The following ARHGAP21 variants were observed in gnomAD, a reference collection of about 807,000 sequenced individuals.
The protein encoded by ARHGAP21 is Rho GTPase activating protein 21.
A neutral mutation model predicts 164.6 loss-of-function variants in ARHGAP21; 38 were observed. That is an observed-to-expected ratio of 0.23 (90% confidence interval 0.18 to 0.30). The LOEUF is 0.30. Ranked by LOEUF, ARHGAP21 falls within the 10% of genes least tolerant of loss-of-function variation. ARHGAP21 has a pLI of 1.00. For synonymous variants in ARHGAP21, 766 were observed against 857.9 expected, an observed-to-expected ratio of 0.89 and a Z score of 1.87; for missense variants, 1,822 against 2,370.7, an observed-to-expected ratio of 0.77 and a Z score of 4.81.
chr10:24,712,428 G>T (rs375582028), intron 2 of ARHGAP21, among the ~76,000 whole-genome samples: 1 of 152,102 alleles, frequency 6.6e-6, no homozygotes, highest in African/African-American at 2.4e-5. Context: ...CAAAATCCAC[G>T]CATGCTCAAG....
At chr10:24,613,659 A>C (rs997610801) in intron 9 of ARHGAP21, among the ~76,000 whole-genome samples, 1 of 152,370 alleles carries the variant, frequency 6.6e-6, no homozygotes, top group South Asian at 2.1e-4. Flanking sequence ...GCAAGATGGC[A>C]GTCAGTGCTG....
chr10:24,623,724 G>A (rs1487722579), intron 7 of ARHGAP21, among the ~76,000 whole-genome samples: 4 of 152,188 alleles, frequency 2.6e-5, no homozygotes, highest in Admixed American at 6.5e-5. Context: ...GGTCCCTATG[G>A]TCAATGATGT....
At chr10:24,719,055 G>A (rs1845664747) in intron 2 of ARHGAP21, among the ~76,000 whole-genome samples, 1 of 151,440 alleles carries the variant, frequency 6.6e-6, no homozygotes, top group African/African-American at 2.4e-5. Context: ...GTGATTTTGT[G>A]AGCAAAGTTA....
chr10:24,682,504 T>C (rs1253811055), intron 2 of ARHGAP21, among the ~76,000 whole-genome samples: 1 of 152,188 alleles, frequency 6.6e-6, no homozygotes, highest in Non-Finnish European at 1.5e-5. Flanking sequence ...CCTCACATAG[T>C]AGGATTCTTT....
chr10:24,636,793 G>A (rs1302816240), intron 4 of ARHGAP21, among the ~76,000 whole-genome samples: 9 of 152,220 alleles, frequency 5.9e-5, no homozygotes, highest in Admixed American at 6.5e-5. Flanking sequence ...AGTAGACATC[G>A]GTCCAAAACA....
chr10:24,674,870 TGCAAAC>T (rs1841062669), intron 2 of ARHGAP21, among the ~76,000 whole-genome samples: 1 of 152,114 alleles, frequency 6.6e-6, no homozygotes, highest in Admixed American at 6.6e-5. Flanking sequence ...ATAATGGAAA[TGCAAAC>T]TAAAACCATA....
intron 2 of ARHGAP21, among the ~76,000 whole-genome samples, chr10:24,715,171 T>C (rs1387109753): frequency 6.6e-6 from 1 of 152,208 alleles, no homozygotes; most frequent in Non-Finnish European, 1.5e-5. Flanking sequence ...TGAATACATA[T>C]TACCTATTTT....
In ARHGAP21 at chr10:24,597,755, T is replaced by A. The variant is rs543749069; in HGVS notation, c.3198-172A>T. Among the ~76,000 whole-genome samples, 10 of 152,278 alleles carry A rather than the reference T, an allele frequency of 6.6e-5. No homozygotes were observed. In the South Asian group the frequency reaches 2.1e-3, roughly 32 times the overall value. On this transcript the variant is annotated intron_variant, in intron 15 of 25. Transcript: ENST00000396432. ...GCCCAGAATAAGAATCATCCTTTCATCCCGAGTAGCCACACTGTATACACT... is the reference window on the plus strand; with the variant it reads ...GCCCAGAATAAGAATCATCCTTTCAACCCGAGTAGCCACACTGTATACACT...
In ARHGAP21 at chr10:24,633,474, C is replaced by T. The variant is rs367743200; in HGVS notation, c.368G>A (p.Arg123Gln). Residue 123 changes from arginine (R) to glutamine (Q), a missense_variant, in exon 6 of 26, where the codon CGA becomes CAA. Physicochemically the swap from Arg to Gln is conservative, Grantham distance 43. This residue lies in a region of ARHGAP21 where 1,090 missense variants were observed against 1,378.9 expected (regional missense o/e 0.79). Transcript: ENST00000396432. ...AFEAGLCTGD[R>Q]IIKVNGESVI... ...ACTTTCTCCATTGACTTTTATAATT[C>T]GGTCACCTTCAAAGAGAAGTTAAAA... 2.4e-5 allele frequency: 39 copies of T among 1,608,704 alleles called. No homozygotes were observed. The highest frequency in any genetic ancestry group is 3.3e-5 in the South Asian group (3 of 90,562).
At chr10:24,664,796 T>A (rs905681624) in intron 4 of ARHGAP21, among the ~76,000 whole-genome samples, 3 of 152,108 alleles carry the variant, frequency 2.0e-5, no homozygotes, top group Admixed American at 2.0e-4. Context: ...TTATACCCTT[T>A]AGGCTCACTC....
At chr10:24,586,179 C>A in intron 25 of ARHGAP21, 73 bp from the exon 26 acceptor site, 1 of 1,448,864 alleles carries the variant, frequency 6.9e-7, no homozygotes, top group Middle Eastern at 1.8e-4. Context: ...AAGCTTGTCT[C>A]CCAAATATTT....
At chr10:24,594,015 A>AG (rs1483753298) in intron 21 of ARHGAP21, among the ~76,000 whole-genome samples, 1 of 152,154 alleles carries the variant, frequency 6.6e-6, no homozygotes, top group Non-Finnish European at 1.5e-5. Flanking sequence ...CTTCCAGAAC[A>AG]TGCACAGTCA....
intron 4 of ARHGAP21, among the ~76,000 whole-genome samples, chr10:24,655,736 TCCGC>T (rs1838760262): frequency 2.2e-5 from 3 of 134,206 alleles, no homozygotes; most frequent in African/African-American, 8.6e-5. Flanking sequence ...GAGGAGCGTC[TCCGC>T]CCGGCCGCCA....
At chr10:24,635,532 TTTTTGTTTTG>T (rs533850946) in intron 4 of ARHGAP21, among the ~76,000 whole-genome samples, 47 of 152,150 alleles carry the variant, frequency 3.1e-4, no homozygotes, top group African/African-American at 9.2e-4. Context: ...TGGCTTTTGT[TTTTTGTTTTG>T]TTTTGTTTTG....
At position 24,600,933 on chromosome 10, in the gene ARHGAP21, AG is replaced by A; in HGVS notation, c.2848-4del. 1 of 1,608,618 alleles carries A rather than the reference AG, an allele frequency of 6.2e-7. No homozygotes were observed. The highest frequency in any genetic ancestry group is 8.5e-7 in the Non-Finnish European group (1 of 1,175,792). On this transcript the variant is annotated splice_polypyrimidine_tract_variant and splice_region_variant and intron_variant, in intron 13 of 25. Transcript: ENST00000396432. ...GGCCGAATACTTCCACCAACTCGCT[AG>A]AAAACATGCGACAGTTCTTTAATAG...
intron 2 of ARHGAP21, among the ~76,000 whole-genome samples, chr10:24,674,263 G>A (rs1257184560): frequency 6.6e-6 from 1 of 152,172 alleles, no homozygotes; most frequent in Non-Finnish European, 1.5e-5. Context: ...GCTGGGCACA[G>A]TGGCTCACAC....
At chr10:24,658,500 T>TA (rs956327673) in intron 4 of ARHGAP21, among the ~76,000 whole-genome samples, 7 of 152,164 alleles carry the variant, frequency 4.6e-5, no homozygotes, top group Non-Finnish European at 8.8e-5. Flanking sequence ...TATGCAGCCA[T>TA]AAAAAAGGAT....
chr10:24,664,957 G>C (rs1229281745), intron 4 of ARHGAP21, among the ~76,000 whole-genome samples: 3 of 152,150 alleles, frequency 2.0e-5, no homozygotes, highest in African/African-American at 7.2e-5. Flanking sequence ...TGATCTGCAT[G>C]AAGTTTTATA....
intron 10 of ARHGAP21, 40 bp downstream of exon 10, chr10:24,607,705 A>G (rs1408404298): frequency 6.2e-7 from 1 of 1,611,762 alleles, no homozygotes; most frequent in Non-Finnish European, 8.5e-7. Context: ...TGGAAAACAG[A>G]GCATGAGATA....
Sources: allele counts gnomAD v4.1 joint callset (sites outside exome capture counted in the v4.1 genomes callset), GRCh38; gene constraint gnomAD v4.1.1; regional missense constraint gnomAD v4.1.1; transcripts MANE v1.5; gene names NCBI Gene and HGNC (gene_info 2026-07-23, HGNC 2026-07-21).